The following PCDHA5 variants were observed in gnomAD, a reference collection of about 807,000 sequenced individuals.
PCDHA5 encodes protocadherin alpha-5.
PCDHA5 carries 43 observed loss-of-function variants against 61.6 expected under a neutral mutation model. The ratio of observed to expected loss-of-function variants is 0.70; its 90% CI spans 0.55 to 0.90. The LOEUF (loss-of-function observed/expected upper bound fraction) is 0.90. Ranked by LOEUF, PCDHA5 falls within the 40% of genes least tolerant of loss-of-function variation. The pLI is 0.00. For missense variants in PCDHA5, 1,298 were observed against 1,222.7 expected (o/e 1.06, Z -0.92); for synonymous variants, 627 against 543.9 (o/e 1.15, Z -2.13).
At chr5:140,876,820 G>A in intron 1 of PCDHA5, 2 of 1,614,214 alleles carry the variant, frequency 1.2e-6, no homozygotes, top group Non-Finnish European at 1.7e-6. Context: ...CGACGTGAAC[G>A]ACAATGCGCC....
intron 1 of PCDHA5, chr5:140,868,931 G>C: frequency 9.2e-7 from 1 of 1,092,440 alleles, no homozygotes; most frequent in Non-Finnish European, 1.3e-6. Context: ...TCATTTAAAG[G>C]TTGGTCTGAA....
chr5:140,934,941 T>C (rs1397192075), intron 1 of PCDHA5, among the ~76,000 whole-genome samples: 4 of 152,172 alleles, frequency 2.6e-5, no homozygotes, highest in African/African-American at 9.6e-5. Context: ...AAAACTAGTA[T>C]AGAGAGATCC....
intron 1 of PCDHA5, among the ~76,000 whole-genome samples, chr5:140,940,027 G>A (rs1554213088): frequency 6.6e-6 from 1 of 152,058 alleles, no homozygotes; most frequent in Non-Finnish European, 1.5e-5. Context: ...TATGTTTTAA[G>A]GCTATTTTAT....
At chr5:140,940,717 G>T (rs1554213570) in intron 1 of PCDHA5, among the ~76,000 whole-genome samples, 1 of 152,130 alleles carries the variant, frequency 6.6e-6, no homozygotes, top group African/African-American at 2.4e-5. Flanking sequence ...GCTGTGTGCT[G>T]TTTCAGCTGG....
chr5:140,973,199 G>A (rs574187280), intron 1 of PCDHA5, among the ~76,000 whole-genome samples: 3 of 152,296 alleles, frequency 2.0e-5, no homozygotes, highest in East Asian at 3.9e-4. Context: ...CACTATGTGT[G>A]CATATTCACC....
intron 1 of PCDHA5, among the ~76,000 whole-genome samples, chr5:140,904,267 A>C (rs2070997540): frequency 6.6e-6 from 1 of 152,016 alleles, no homozygotes; most frequent in South Asian, 2.1e-4. Context: ...CCCACTTATG[A>C]ATGAGAACAT....
intron 1 of PCDHA5, among the ~76,000 whole-genome samples, chr5:140,951,950 G>A (rs1408300368): frequency 6.6e-6 from 1 of 152,120 alleles, no homozygotes; most frequent in Non-Finnish European, 1.5e-5. Flanking sequence ...GCGGGTACAG[G>A]CATTGGGTAA....
intron 1 of PCDHA5, chr5:140,835,520 T>C (rs2150237441): frequency 5.6e-6 from 9 of 1,613,956 alleles, no homozygotes; most frequent in Non-Finnish European, 6.8e-6. Flanking sequence ...ACCGAGATTT[T>C]GGAGTCAACG....
intron 1 of PCDHA5, among the ~76,000 whole-genome samples, chr5:140,941,773 T>G (rs2093165270): frequency 6.6e-6 from 1 of 152,262 alleles, no homozygotes; most frequent in South Asian, 2.1e-4. Context: ...GATAATTGTT[T>G]TAATGTTTTA....
chr5:140,993,463 CACACACACACACACA>C (rs2097564014), intron 3 of PCDHA5, among the ~76,000 whole-genome samples: 3 of 7,580 alleles, frequency 4.0e-4, no homozygotes, highest in African/African-American at 2.0e-3. Context: ...CTTTCTTTCT[CACACACACACACACA>C]CACACACACA....
chr5:140,927,495 G>C (rs111935715), intron 1 of PCDHA5: 2 of 1,614,128 alleles, frequency 1.2e-6, no homozygotes, highest in African/African-American at 1.3e-5. Context: ...CCCACCTGCT[G>C]GTGCTTACAG....
intron 1 of PCDHA5, chr5:140,858,541 C>T (rs1021379839): frequency 7.9e-6 from 11 of 1,395,984 alleles, no homozygotes; most frequent in Non-Finnish European, 1.1e-5. Context: ...TGTCTACATT[C>T]CATTTATGCT....
chr5:140,864,887 G>T (rs2048644726), intron 1 of PCDHA5: 1 of 152,148 alleles, frequency 6.6e-6, no homozygotes, highest in African/African-American at 2.4e-5. Flanking sequence ...TGTTCATTAA[G>T]CTGCATGGTC....
chr5:140,827,902 C>T (rs1433520084), intron 1 of PCDHA5: 1 of 769,834 alleles, frequency 1.3e-6, no homozygotes, highest in East Asian at 2.5e-5. Context: ...CCTTTTGGAG[C>T]CGCATGATGT....
intron 1 of PCDHA5, chr5:140,855,857 C>T: frequency 1.4e-6 from 1 of 710,772 alleles, no homozygotes; most frequent in Non-Finnish European, 2.3e-6. Context: ...CACCGGATGT[C>T]GCTGTCGTCC....
intron 1 of PCDHA5, chr5:140,883,246 AAATATTCCAATGGCGGG>A: frequency 6.2e-7 from 1 of 1,614,082 alleles, no homozygotes; most frequent in Admixed American, 1.7e-5. Context: ...TTGACAAAGG[AAATATTCCAATGGCGGG>A]TCATTGTACC....
At chr5:140,886,827 GAAAAAAA>G (rs782016620) in intron 1 of PCDHA5, among the ~76,000 whole-genome samples, 7 of 60,890 alleles carry the variant, frequency 1.1e-4, no homozygotes, top group African/African-American at 4.2e-4. Context: ...ACTTCGTCTT[GAAAAAAA>G]AAAAAAAAAA....
At chr5:140,982,298 A>G (rs1371152402) in intron 2 of PCDHA5, 177 bp from the exon 3 acceptor site, 12 of 1,189,736 alleles carry the variant, frequency 1.0e-5, no homozygotes, top group Admixed American at 5.6e-5. Flanking sequence ...TAAGTCAGCA[A>G]TGCTTCTGCA....
chr5:140,969,529 T>C, intron 1 of PCDHA5: 1 of 1,377,800 alleles, frequency 7.3e-7, no homozygotes, highest in Non-Finnish European at 9.7e-7. Flanking sequence ...GTTTTATTTT[T>C]CATTTTCAGA....
Sources: allele counts gnomAD v4.1 joint callset (sites outside exome capture counted in the v4.1 genomes callset), GRCh38; gene constraint gnomAD v4.1.1; transcripts MANE v1.5; gene names NCBI Gene and HGNC (gene_info 2026-07-23, HGNC 2026-07-21).